The following TMEM135 variants were observed in gnomAD, a reference collection of about 807,000 sequenced individuals.
The protein encoded by TMEM135 is peroxisomal membrane protein 52.
In TMEM135, 30 loss-of-function variants were observed where a neutral mutation model predicts 60.3. The ratio of observed to expected loss-of-function variants is 0.50; its 90% CI spans 0.37 to 0.68. The LOEUF (loss-of-function observed/expected upper bound fraction) is 0.68, where lower values mean the gene tolerates loss of function less well. Among genes scored for constraint, TMEM135 ranks in the 30% least tolerant of loss-of-function variants. The pLI is 0.00. For synonymous variants in TMEM135, 190 were observed against 186.7 expected (o/e 1.02, Z -0.14); for missense variants, 468 against 548.8 (o/e 0.85, Z 1.47).
At position 87,259,234 on chromosome 11, in the gene TMEM135, A is replaced by T. The variant is rs1941593897; in HGVS notation, c.509+22550A>T. 6.3e-6 allele frequency: 3 copies of T among 474,578 alleles called. No individual in the cohort carries two copies. In the Admixed American group the frequency reaches 9.7e-5, roughly 15 times the overall value. The allele number at this position is 474,578 out of a possible 1,614,324, so 29.4% of individuals were successfully genotyped here. On this transcript the variant is annotated intron_variant, in intron 6 of 14. Transcript: ENST00000305494. ...CCTTTTGGGAGCAATTCCTCCGGGG[A>T]TAGGGGTTCCCCTGCGACAGCGGCC...
At chr11:87,246,690 C>G (rs376384845) in intron 6 of TMEM135, among the ~76,000 whole-genome samples, 1 of 144,166 alleles carries the variant, frequency 6.9e-6, no homozygotes, top group East Asian at 2.0e-4. Flanking sequence ...CGAGCCTTGG[C>G]TTTCAGCTCC....
intron 5 of TMEM135, among the ~76,000 whole-genome samples, chr11:87,216,070 G>C (rs504628): frequency 0.13 from 19,779 of 152,110 alleles, 1,331 homozygotes; most frequent in Non-Finnish European, 0.15. Context: ...ATTTCTTACT[G>C]TTCCTAATTT....
chr11:87,151,177 T>C (rs1229436260), intron 4 of TMEM135, among the ~76,000 whole-genome samples: 1 of 152,190 alleles, frequency 6.6e-6, no homozygotes, highest in Non-Finnish European at 1.5e-5. Flanking sequence ...TCTTTCACTT[T>C]GGGAATTCAT....
At chr11:87,273,902 T>A (rs1379985258) in intron 6 of TMEM135, among the ~76,000 whole-genome samples, 3 of 152,204 alleles carry the variant, frequency 2.0e-5, no homozygotes, top group Non-Finnish European at 2.9e-5. Context: ...CCAAGATCAT[T>A]GTTTTGGTAA....
At chr11:87,069,395 C>G (rs1188900306) in intron 2 of TMEM135, among the ~76,000 whole-genome samples, 1 of 151,300 alleles carries the variant, frequency 6.6e-6, no homozygotes, top group Non-Finnish European at 1.5e-5. Flanking sequence ...TTCTATGAAC[C>G]TGTTTGGTTA....
chr11:87,166,728 T>C (rs754596241), intron 5 of TMEM135, among the ~76,000 whole-genome samples: 37 of 148,160 alleles, frequency 2.5e-4, no homozygotes, highest in Admixed American at 1.4e-4. Context: ...TAGTTTGAAG[T>C]AAGGTAGTGT....
chr11:87,157,069 CTTTT>C (rs1938717476), intron 4 of TMEM135, among the ~76,000 whole-genome samples: 1 of 122,430 alleles, frequency 8.2e-6, no homozygotes, highest in African/African-American at 3.2e-5. Context: ...TTCTTTCTTT[CTTTT>C]GTTTTTTTTT....
At position 87,156,149 on chromosome 11, in the gene TMEM135, C is replaced by A. The variant is rs1282885605; in HGVS notation, c.397-1192C>A. The stretch of plus-strand genomic sequence containing the variant: ...TTGTGCACTCAATAGTCTTATTACC[C>A]TGGTCAAATATCATTTGATCATATA... On this transcript the variant is annotated intron_variant, in intron 4 of 14. Transcript: ENST00000305494. Among the ~76,000 whole-genome samples, 7 of 152,116 alleles carry A rather than the reference C, an allele frequency of 4.6e-5. 1 individual carries two copies. The highest frequency in any genetic ancestry group is 4.6e-4 in the Admixed American group (7 of 15,274).
intron 3 of TMEM135, among the ~76,000 whole-genome samples, chr11:87,074,132 AT>A (rs1364032010): frequency 6.6e-6 from 1 of 151,940 alleles, no homozygotes; most frequent in Non-Finnish European, 1.5e-5. Context: ...AGCCTGGCTA[AT>A]TTTTGTATTT....
chr11:87,243,303 T>A (rs1426049235), intron 6 of TMEM135, among the ~76,000 whole-genome samples: 4 of 147,332 alleles, frequency 2.7e-5, no homozygotes, highest in Non-Finnish European at 6.0e-5. Context: ...TCCAGCTTTG[T>A]TCTTTTGGCT....
Position 87,322,887 on chromosome 11 carries a change from A to G in TMEM135, c.*1554A>G, listed in dbSNP as rs1163931417. 2.2e-6 allele frequency: 1 copy of G among 454,428 alleles called. No homozygotes were observed. The highest frequency in any genetic ancestry group is 4.4e-6 in the Non-Finnish European group (1 of 226,738). The allele number at this position is 454,428 out of a possible 1,614,324, so 28.1% of individuals were successfully genotyped here. A position where few individuals can be genotyped will look rare whatever the true frequency, so the allele number is the denominator to read the frequency against. ...TGTAGAACTGACCTGTTTATTTGGC[A>G]ATGCTGTTAAAGGATCATTTCGGTT... On this transcript the variant is annotated 3_prime_UTR_variant, in exon 15 of 15. Transcript: ENST00000305494.
intron 4 of TMEM135, among the ~76,000 whole-genome samples, chr11:87,123,146 ATGT>A (rs1937630192): frequency 2.6e-5 from 4 of 152,220 alleles, no homozygotes; most frequent in Admixed American, 2.0e-4. Context: ...AAAACTGTTT[ATGT>A]TAGTCTTCTA....
chr11:87,313,031 T>C (rs1371309406), intron 10 of TMEM135, among the ~76,000 whole-genome samples: 1 of 151,882 alleles, frequency 6.6e-6, no homozygotes, highest in African/African-American at 2.4e-5. Context: ...AAAATCTTTG[T>C]TTCACCTTCA....
intron 1 of TMEM135, among the ~76,000 whole-genome samples, chr11:87,046,298 G>C (rs1183883811): frequency 6.6e-6 from 1 of 152,144 alleles, no homozygotes; most frequent in Non-Finnish European, 1.5e-5. Context: ...CAGCTACTTG[G>C]GAGACTGAGG....
intron 3 of TMEM135, among the ~76,000 whole-genome samples, chr11:87,090,723 T>C (rs982063723): frequency 6.6e-6 from 1 of 152,258 alleles, no homozygotes. Context: ...TTGTTATGTT[T>C]GACTTTCTAC....
intron 4 of TMEM135, among the ~76,000 whole-genome samples, chr11:87,122,437 A>ATATTTATT (rs1555106784): frequency 0.022 from 3,140 of 144,902 alleles, 100 homozygotes; most frequent in African/African-American, 0.068. Context: ...TTTAGTTTTT[A>ATATTTATT]TATTTATTTA....
At chr11:87,083,094 C>G (rs992207290) in intron 3 of TMEM135, among the ~76,000 whole-genome samples, 2 of 152,168 alleles carry the variant, frequency 1.3e-5, no homozygotes, top group African/African-American at 2.4e-5. Flanking sequence ...ATTACCCCCT[C>G]CCTTTCTAGT....
intron 8 of TMEM135, 109 bp from the exon 9 acceptor site, chr11:87,305,827 C>CTTTT (rs199727648): frequency 4.3e-4 from 182 of 421,080 alleles, no homozygotes; most frequent in African/African-American, 3.8e-3. Flanking sequence ...TCTTCTCTCT[C>CTTTT]TTTTTTTTTT....
intron 3 of TMEM135, among the ~76,000 whole-genome samples, chr11:87,090,864 C>G (rs1442675500): frequency 1.3e-5 from 2 of 152,038 alleles, no homozygotes; most frequent in East Asian, 3.9e-4. Flanking sequence ...AAATTAAAAC[C>G]AATGTGATTT....
Sources: allele counts gnomAD v4.1 joint callset (sites outside exome capture counted in the v4.1 genomes callset), GRCh38; gene constraint gnomAD v4.1.1; transcripts MANE v1.5; gene names NCBI Gene and HGNC (gene_info 2026-07-23, HGNC 2026-07-21).